GSDMC: variants seen among roughly 807,000 people sequenced by gnomAD.
GSDMC encodes gasdermin-C.
In GSDMC, 59 loss-of-function variants were observed where a neutral mutation model predicts 58.0. That is an observed-to-expected ratio of 1.02 (90% CI 0.82 to 1.26). The LOEUF is 1.26. GSDMC is among the 50% of genes most tolerant of loss of function. The pLI is 0.00. For synonymous variants in GSDMC, 241 were observed against 220.2 expected (o/e 1.09, Z -0.83); for missense variants, 659 against 598.5 (o/e 1.10, Z -1.06).
the GSDMC span, chr8:129,729,899 T>C: frequency 8.2e-7 from 1 of 1,223,272 alleles, no homozygotes; most frequent in South Asian, 1.2e-5. Flanking sequence ...CTGAGATTAA[T>C]CTGGTGACTA....
chr8:129,738,260 G>A, the GSDMC span, among the ~76,000 whole-genome samples: 334 of 152,298 alleles, frequency 2.2e-3, 1 homozygote, highest in African/African-American at 7.4e-3. Context: ...ACAGTGTGGC[G>A]ATTCCTCAAG....
intron 3 of GSDMC, among the ~76,000 whole-genome samples, chr8:129,769,084 A>AGGAGAGGAGAGGAG (rs2033964637): frequency 8.2e-5 from 12 of 145,690 alleles, no homozygotes; most frequent in African/African-American, 2.9e-4. Context: ...TCACAAAGGA[A>AGGAGAGGAGAGGAG]AGGAGAGGAG....
In GSDMC at chr8:129,765,794, C is replaced by G; in HGVS notation, c.405-1G>C. On this transcript the variant is annotated splice_acceptor_variant, in intron 3 of 13. Coordinates refer to ENST00000276708, the MANE Select transcript of GSDMC (RefSeq NM_031415.3). LOFTEE classifies it high-confidence loss of function. The stretch of plus-strand genomic sequence containing the variant: ...TGATGGCTCTGGATCCAACAGTTTC[C>G]TGGGGATTTAAGGAAGGAGGACAAG... 1 of 1,612,818 alleles carries G rather than the reference C, an allele frequency of 6.2e-7. No homozygotes were observed. Among genetic ancestry groups the G allele is most frequent in the Non-Finnish European group, 8.5e-7 (1 of 1,179,404 alleles).
At chr8:129,711,933 C>T in the GSDMC span, among the ~76,000 whole-genome samples, 1 of 152,156 alleles carries the variant, frequency 6.6e-6, no homozygotes, top group African/African-American at 2.4e-5. Context: ...AGTGCCTGTT[C>T]TCTGAAGAGT....
intron 6 of GSDMC, among the ~76,000 whole-genome samples, chr8:129,756,881 C>CA (rs762629912): frequency 2.0e-5 from 3 of 151,794 alleles, no homozygotes; most frequent in Non-Finnish European, 4.4e-5. Flanking sequence ...CACAACATAC[C>CA]AAAAGCTGTG....
chr8:129,709,207 A>G, the GSDMC span, among the ~76,000 whole-genome samples: 1 of 150,620 alleles, frequency 6.6e-6, no homozygotes, highest in Non-Finnish European at 1.5e-5. Context: ...TATCCCACAC[A>G]TTGGAGCAAT....
chr8:129,725,905 A>T, the GSDMC span, among the ~76,000 whole-genome samples: 2 of 152,224 alleles, frequency 1.3e-5, no homozygotes, highest in Admixed American at 6.5e-5. Context: ...ATGAAGAAGA[A>T]CTTTGTATCC....
intron 10 of GSDMC, among the ~76,000 whole-genome samples, 199 bp downstream of exon 10, chr8:129,751,343 G>C (rs2033181680): frequency 6.6e-6 from 1 of 152,108 alleles, no homozygotes; most frequent in African/African-American, 2.4e-5. Context: ...TGTCTGCTTG[G>C]TTCACAGCCA....
At chr8:129,713,326 G>A in the GSDMC span, among the ~76,000 whole-genome samples, 1 of 152,188 alleles carries the variant, frequency 6.6e-6, no homozygotes, top group East Asian at 1.9e-4. Flanking sequence ...GGGGAGGCAG[G>A]AGCCCCAAGA....
Position 129,752,727 on chromosome 8 carries a change from G to C in GSDMC, c.815C>G (p.Ala272Gly). Reference sequence around the variant, plus strand: ...TTTTAACTTCATATCATTGGATGAGGCATTGAAGAGGGTTGGAGAGATGGT... The same window carrying C: ...TTTTAACTTCATATCATTGGATGAGCCATTGAAGAGGGTTGGAGAGATGGT... ...FHTISPTLFN[A>G]SSNDMKLKPE... Residue 272 changes from alanine to glycine, a missense_variant, in exon 7 of 14, where the codon GCC (alanine) becomes GGC (glycine). Transcript: ENST00000276708. 1 of 1,614,202 alleles carries C rather than the reference G, an allele frequency of 6.2e-7. No individual in the cohort carries two copies. Among genetic ancestry groups the C allele is most frequent in the Non-Finnish European group, 8.5e-7 (1 of 1,180,024 alleles).
chr8:129,724,039 A>G, the GSDMC span, among the ~76,000 whole-genome samples: 2 of 152,252 alleles, frequency 1.3e-5, no homozygotes, highest in South Asian at 4.1e-4. Context: ...CTCTGGGGAA[A>G]GCCAGGCTTG....
the GSDMC span, among the ~76,000 whole-genome samples, chr8:129,716,049 A>C: frequency 1.3e-5 from 2 of 152,214 alleles, no homozygotes; most frequent in African/African-American, 2.4e-5. Context: ...GATAAAAAGG[A>C]ATTATTTGTT....
the GSDMC span, among the ~76,000 whole-genome samples, chr8:129,709,503 T>C: frequency 6.6e-6 from 1 of 151,108 alleles, no homozygotes; most frequent in Non-Finnish European, 1.5e-5. Flanking sequence ...AGATGATAGA[T>C]AGACAGATGA....
At chr8:129,754,601 C>T (rs924989709) in intron 6 of GSDMC, among the ~76,000 whole-genome samples, 6 of 152,076 alleles carry the variant, frequency 3.9e-5, no homozygotes, top group Non-Finnish European at 7.4e-5. Context: ...ATGACCTCAC[C>T]AATGAACGAA....
chr8:129,709,575 TGATAGATAGATAGATGATAGATA>T, the GSDMC span, among the ~76,000 whole-genome samples: 16 of 148,618 alleles, frequency 1.1e-4, no homozygotes, highest in African/African-American at 3.5e-4. Context: ...AGATGATAGA[TGATAGATAGATAGATGATAGATA>T]GATAGATAGA....
intron 1 of GSDMC, among the ~76,000 whole-genome samples, chr8:129,780,192 G>C (rs559922118): frequency 6.6e-6 from 1 of 152,184 alleles, no homozygotes; most frequent in Non-Finnish European, 1.5e-5. Context: ...TGGCCTTAAA[G>C]AGAAGATTGA....
intron 6 of GSDMC, among the ~76,000 whole-genome samples, chr8:129,755,112 T>G (rs1173437674): frequency 1.3e-5 from 2 of 152,082 alleles, no homozygotes; most frequent in Non-Finnish European, 2.9e-5. Flanking sequence ...CAAGTACAAG[T>G]AAGTTATAGA....
chr8:129,738,521 T>A, the GSDMC span, among the ~76,000 whole-genome samples: 3,788 of 152,296 alleles, frequency 0.025, 65 homozygotes, highest in Middle Eastern at 0.14. Flanking sequence ...TGGATGAAGC[T>A]GGAAACCATC....
At chr8:129,772,138 G>C (rs1371839883) in intron 3 of GSDMC, among the ~76,000 whole-genome samples, 1 of 151,974 alleles carries the variant, frequency 6.6e-6, no homozygotes. Flanking sequence ...GCAGGCGCCT[G>C]TAGTCCCAGC....
Sources: allele counts gnomAD v4.1 joint callset (sites outside exome capture counted in the v4.1 genomes callset), GRCh38; gene constraint gnomAD v4.1.1; transcripts MANE v1.5; gene names NCBI Gene and HGNC (gene_info 2026-07-23, HGNC 2026-07-21).